SPTY2D1: variants seen among roughly 807,000 people sequenced by gnomAD.
The protein encoded by SPTY2D1 is protein SPT2 homolog.
Under a neutral mutation model 64.0 loss-of-function variants are expected in SPTY2D1, and 21 were observed. That is an observed-to-expected ratio of 0.33 (90% CI 0.23 to 0.47). The LOEUF is 0.47. Among genes scored for constraint, SPTY2D1 ranks in the 20% least tolerant of loss-of-function variants. SPTY2D1 has a pLI of 1.00. For missense variants in SPTY2D1, 724 were observed against 837.2 expected, an observed-to-expected ratio of 0.86 and a Z score of 1.67; for synonymous variants, 287 against 286.8, an observed-to-expected ratio of 1.00 and a Z score of -0.01.
intron 1 of SPTY2D1, among the ~76,000 whole-genome samples, chr11:18,622,097 A>AAAAAAAAAAAAAAAAAAAAC (rs1565161221): frequency 3.4e-5 from 5 of 147,740 alleles, no homozygotes; most frequent in African/African-American, 1.2e-4. Flanking sequence ...AAAAAAAAAA[A>AAAAAAAAAAAAAAAAAAAAC]AAAAAAACCA....
chr11:18,613,475 T>A (rs1026953408), intron 3 of SPTY2D1, among the ~76,000 whole-genome samples: 3 of 152,220 alleles, frequency 2.0e-5, no homozygotes, highest in Non-Finnish European at 4.4e-5. Context: ...TCGGACCAGA[T>A]AATTCTTTGC....
intron 1 of SPTY2D1, among the ~76,000 whole-genome samples, chr11:18,625,449 G>A (rs542404015): frequency 1.3e-5 from 2 of 152,252 alleles, no homozygotes; most frequent in South Asian, 4.1e-4. Context: ...AAATGGCCCA[G>A]AACACCTGTG....
intron 1 of SPTY2D1, among the ~76,000 whole-genome samples, chr11:18,631,730 G>C (rs1377708819): frequency 1.3e-5 from 2 of 152,046 alleles, no homozygotes; most frequent in African/African-American, 4.8e-5. Context: ...CTAAATACGG[G>C]GTTTGGGTAT....
intron 1 of SPTY2D1, among the ~76,000 whole-genome samples, chr11:18,618,998 T>C (rs1467895752): frequency 1.3e-5 from 2 of 152,218 alleles, no homozygotes; most frequent in East Asian, 3.8e-4. Flanking sequence ...TCCATATCTT[T>C]GTAAATTTAA....
chr11:18,609,926 C>G lies in SPTY2D1; in HGVS notation c.1993G>C (p.Glu665Gln). 6.2e-7 allele frequency: 1 copy of G among 1,614,170 alleles called. No individual in the cohort carries two copies. The highest frequency in any genetic ancestry group is 8.5e-7 in the Non-Finnish European group (1 of 1,180,032). ...TCTTCTTCTTCACGTCTCATTTCCT[C>G]TAAGTCCTCTTGCATACCCAGTCTT... is the stretch of plus-strand genomic sequence containing the variant. The part of the protein sequence containing the change: ...SLRLGMQEDL[E>Q]EMRREEEEMQ... Residue 665 changes from glutamate (E) to glutamine (Q), a missense_variant, in exon 6 of 6, where the codon GAG becomes CAG. By Grantham distance (29) the Glu-to-Gln change is conservative. Coordinates refer to ENST00000336349, the MANE Select transcript of SPTY2D1 (RefSeq NM_194285.3).
At position 18,634,341 on chromosome 11, in the gene SPTY2D1, C is replaced by G. The variant is rs1030848852; in HGVS notation, c.-84G>C. 1.8e-5 allele frequency: 26 copies of G among 1,466,118 alleles called. No homozygotes were observed. Among genetic ancestry groups the G allele is most frequent in the Non-Finnish European group, 2.4e-5 (25 of 1,052,600 alleles). 90.8% of individuals were successfully genotyped at this position (1,466,118 alleles called of 1,614,324 possible). A position where few individuals can be genotyped will look rare whatever the true frequency, so the allele number is the denominator to read the frequency against. On this transcript the variant is annotated 5_prime_UTR_variant, in exon 1 of 6. Transcript: ENST00000336349. ...AACCGAGGCGCCCAGCTACAGCCAA[C>G]TGCACTGCCTCGGGAGCCCCACTCC...
At position 18,632,152 on chromosome 11, in the gene SPTY2D1, TAAA is replaced by T. The variant is rs879568614; in HGVS notation, c.60+2043_60+2045del. 1.1e-4 allele frequency among the ~76,000 whole-genome samples: 16 copies of T among 143,116 alleles called. 1 individual carries two copies. Among genetic ancestry groups the T allele is most frequent in the Middle Eastern group, 7.2e-3 (2 of 278 alleles). The allele number at this position is 143,116 out of a possible 152,430, so 93.9% of individuals were successfully genotyped here. On this transcript the variant is annotated intron_variant, in intron 1 of 5. Coordinates refer to ENST00000336349, the MANE Select transcript of SPTY2D1 (RefSeq NM_194285.3). The stretch of plus-strand genomic sequence containing the variant: ...CGGACGACAGAGTGAGACTCTATCT[TAAA>T]AAAAAAAAAAAAGAAGAAGAAGAAA...
chr11:18,622,101 A>AAAAAAAAAAAAAAAAAAAAAAAAC lies in SPTY2D1; in HGVS notation c.61-5113_61-5112insGTTTTTTTTTTTTTTTTTTTTTTT, dbSNP rs71050618. ...GACCCTATCTCAAAAAAAAAAAAAA[A>AAAAAAAAAAAAAAAAAAAAAAAAC]AAACCAAAACCAAAACCAAAAAAAC... On this transcript the variant is annotated intron_variant, in intron 1 of 5. Coordinates refer to ENST00000336349, the MANE Select transcript of SPTY2D1 (RefSeq NM_194285.3). Among the ~76,000 whole-genome samples the AAAAAAAAAAAAAAAAAAAAAAAAC allele has an allele frequency of 9.2e-4, 75 of 81,382 alleles. 3 individuals carry two copies. The highest frequency in any genetic ancestry group is 2.6e-3 in the Admixed American group (12 of 4,662). 53.4% of individuals were successfully genotyped at this position (81,382 alleles called of 152,430 possible).
At chr11:18,619,348 G>A (rs1854352665) in intron 1 of SPTY2D1, among the ~76,000 whole-genome samples, 1 of 151,768 alleles carries the variant, frequency 6.6e-6, no homozygotes, top group Non-Finnish European at 1.5e-5. Flanking sequence ...GCCAGGCGCA[G>A]TGGCTCAAGC....
At chr11:18,627,346 G>A (rs1854514282) in intron 1 of SPTY2D1, among the ~76,000 whole-genome samples, 1 of 151,918 alleles carries the variant, frequency 6.6e-6, no homozygotes, top group African/African-American at 2.4e-5. Context: ...CAAAAGAATG[G>A]GTTAAACCTG....
rs1336589848 is a variant in SPTY2D1 at position 18,608,395 on chromosome 11, C to A, written c.*1466G>T. ...GACTTTATGGATAAAAAGGAATAAACCAAAATATTTGGGCTGTTGAAGTAT... is the reference window on the plus strand; with the variant it reads ...GACTTTATGGATAAAAAGGAATAAAACAAAATATTTGGGCTGTTGAAGTAT... On this transcript the variant is annotated 3_prime_UTR_variant, in exon 6 of 6. Coordinates refer to ENST00000336349, the MANE Select transcript of SPTY2D1 (RefSeq NM_194285.3). 1 of 152,424 alleles carries A rather than the reference C, an allele frequency of 6.6e-6. No individual in the cohort carries two copies. The allele number at this position is 152,424 out of a possible 1,614,324, so 9.4% of individuals were successfully genotyped here. A position where few individuals can be genotyped will look rare whatever the true frequency, so the allele number is the denominator to read the frequency against.
chr11:18,611,153 A>C (rs1197233827), intron 5 of SPTY2D1, among the ~76,000 whole-genome samples: 1 of 152,128 alleles, frequency 6.6e-6, no homozygotes. Flanking sequence ...AACAAAAAAA[A>C]CAGTGATGGT....
intron 1 of SPTY2D1, among the ~76,000 whole-genome samples, chr11:18,633,678 A>C (rs557118819): frequency 2.2e-4 from 33 of 152,272 alleles, no homozygotes; most frequent in African/African-American, 7.5e-4. Flanking sequence ...GGGAGGTGAT[A>C]ATTTAATCAC....
In SPTY2D1 at chr11:18,609,832, C is replaced by T; in HGVS notation, c.*29G>A. The T allele has an allele frequency of 6.2e-7, 1 of 1,608,804 alleles. No homozygotes were observed. Among genetic ancestry groups the T allele is most frequent in the South Asian group, 1.1e-5 (1 of 90,842 alleles). ...AGGAAATCCTTGCAGCAGAGCAGCT[C>T]TAGAATTTCACAAAAATAAAAGCAG... On this transcript the variant is annotated 3_prime_UTR_variant, in exon 6 of 6. Coordinates refer to ENST00000336349, the MANE Select transcript of SPTY2D1 (RefSeq NM_194285.3).
At position 18,606,827 on chromosome 11, in the gene SPTY2D1, T is replaced by G; in HGVS notation, c.*3034A>C. 2.7e-6 allele frequency: 1 copy of G among 367,178 alleles called. No homozygotes were observed. The highest frequency in any genetic ancestry group is 5.1e-6 in the Non-Finnish European group (1 of 195,558). The allele number at this position is 367,178 out of a possible 1,614,324, so 22.7% of individuals were successfully genotyped here. A position where few individuals can be genotyped will look rare whatever the true frequency, so the allele number is the denominator to read the frequency against. On this transcript the variant is annotated 3_prime_UTR_variant, in exon 6 of 6. Transcript: ENST00000336349. The stretch of plus-strand genomic sequence containing the variant: ...AACAATTTATTTCTTGGAGAAAATC[T>G]TGGGGATTACATTAAAAATGAAAAT...
At chr11:18,610,153 G>C in intron 5 of SPTY2D1, 199 bp from the exon 6 acceptor site, 1 of 486,688 alleles carries the variant, frequency 2.1e-6, no homozygotes, top group Non-Finnish European at 3.6e-6. Context: ...GTGGGAAAAA[G>C]AACTCACACA....
rs1036256716 is a variant in SPTY2D1 at position 18,615,894 on chromosome 11, T to C, written c.380A>G (p.Glu127Gly). The change falls in exon 3 of 6, where the codon GAA becomes GGA. Residue 127 changes from glutamate to glycine, a missense_variant. Glu to Gly is a moderately conservative substitution (Grantham distance 98). Transcript: ENST00000336349. ...QGTDREYEME[E>G]ENEFLEYNHA... ...ATTGTACTCGAGGAATTCATTCTCT[T>C]CTTCCATTTCATACTCTCGGTCGGT... 2 of 1,614,192 alleles carry C rather than the reference T, an allele frequency of 1.2e-6. No homozygotes were observed. The highest frequency in any genetic ancestry group is 1.7e-6 in the Non-Finnish European group (2 of 1,180,024).
chr11:18,631,067 G>C (rs957006655), intron 1 of SPTY2D1, among the ~76,000 whole-genome samples: 11 of 152,168 alleles, frequency 7.2e-5, no homozygotes, highest in Admixed American at 2.0e-4. Context: ...TCAAACTCCT[G>C]ATCTCAGGTG....
intron 1 of SPTY2D1, among the ~76,000 whole-genome samples, chr11:18,630,175 A>T (rs1016601887): frequency 3.4e-5 from 5 of 148,920 alleles, no homozygotes; most frequent in Admixed American, 2.0e-4. Context: ...CTCAAAAAAT[A>T]AAAATAAAAA....
Sources: gnomAD v4.1 joint callset for allele counts (sites outside exome capture counted in the v4.1 genomes callset) on GRCh38, gnomAD v4.1.1 for gene constraint, MANE v1.5 for transcripts, NCBI Gene and HGNC (gene_info 2026-07-23, HGNC 2026-07-21) for gene names.